The following XPO4 variants were observed in gnomAD, a reference collection of about 807,000 sequenced individuals.
XPO4 encodes the protein exportin-4.
A neutral mutation model predicts 143.0 loss-of-function variants in XPO4; 39 were observed. The observed-to-expected ratio is 0.27, with a 90% CI of 0.21 to 0.36. The LOEUF (loss-of-function observed/expected upper bound fraction) is 0.36. Among genes scored for constraint, XPO4 ranks in the 10% least tolerant of loss-of-function variants. The probability of loss-of-function intolerance (pLI) is 1.00; values close to 1 mark genes in which losing one functional copy is unlikely to be tolerated. For synonymous variants in XPO4, 439 were observed against 474.0 expected (o/e 0.93, Z 0.96); for missense variants, 907 against 1,348.0 (o/e 0.67, Z 5.12).
rs1376090873 is a variant in XPO4, at chr13:20,781,272, G to A, written c.*2450C>T. The A allele has an allele frequency of 2.0e-5, 3 of 152,354 alleles. No individual in the cohort carries two copies. Among genetic ancestry groups the A allele is most frequent in the Non-Finnish European group, 4.4e-5 (3 of 67,996 alleles). 9.4% of individuals were successfully genotyped at this position (152,354 alleles called of 1,614,324 possible). On this transcript the variant is annotated 3_prime_UTR_variant, in exon 23 of 23. Transcript: ENST00000255305. Reference sequence around the variant, plus strand: ...GGAGAAGTTAATAAACACAGCTAAAGACAAAATTGGACAAAATAAAACAAA... The same window carrying A: ...GGAGAAGTTAATAAACACAGCTAAAAACAAAATTGGACAAAATAAAACAAA...
At chr13:20,851,398 T>C (rs2060084593) in intron 4 of XPO4, 1 of 985,334 alleles carries the variant, frequency 1.0e-6, no homozygotes, top group Non-Finnish European at 1.2e-6. Context: ...ACTATTACAG[T>C]AGTTCTCAGC....
intron 1 of XPO4, chr13:20,879,227 C>T (rs2060383047): frequency 1.0e-6 from 1 of 985,306 alleles, no homozygotes; most frequent in Non-Finnish European, 1.2e-6. Flanking sequence ...TATCCCTCCA[C>T]ATAAAGCTGG....
intron 13 of XPO4, among the ~76,000 whole-genome samples, chr13:20,804,464 A>G (rs1207001240): frequency 7.2e-6 from 1 of 138,530 alleles, no homozygotes; most frequent in South Asian, 2.2e-4. Context: ...CCCCTTTCCT[A>G]TAACATTGCT....
At chr13:20,902,209 T>C (rs576774726) in intron 1 of XPO4, 29 of 985,218 alleles carry the variant, frequency 2.9e-5, no homozygotes, top group East Asian at 1.1e-4. Context: ...CGCTAGAGGA[T>C]GCGAATGCAC....
intron 1 of XPO4, among the ~76,000 whole-genome samples, chr13:20,886,685 T>C (rs915653139): frequency 2.6e-5 from 4 of 151,926 alleles, no homozygotes; most frequent in African/African-American, 7.3e-5. Flanking sequence ...GAATAACTAA[T>C]AAAATTGGAG....
intron 1 of XPO4, among the ~76,000 whole-genome samples, chr13:20,883,913 A>T (rs2060436905): frequency 6.6e-6 from 1 of 152,166 alleles, no homozygotes; most frequent in Admixed American, 6.5e-5. Context: ...GATTACAGGC[A>T]TGCGCCACCA....
intron 19 of XPO4, among the ~76,000 whole-genome samples, 164 bp downstream of exon 19, chr13:20,790,298 A>G (rs930169372): frequency 6.6e-6 from 1 of 152,230 alleles, no homozygotes; most frequent in African/African-American, 2.4e-5. Flanking sequence ...CATGTTACTG[A>G]GAAGCATGCA....
chr13:20,897,663 G>A (rs1446365648), intron 1 of XPO4, among the ~76,000 whole-genome samples: 2 of 152,144 alleles, frequency 1.3e-5, no homozygotes, highest in Admixed American at 1.3e-4. Flanking sequence ...CAAATCAATG[G>A]CCAGAAATTG....
chr13:20,902,326 C>T (rs1199853016), intron 1 of XPO4: 46 of 985,284 alleles, frequency 4.7e-5, no homozygotes, highest in Non-Finnish European at 5.2e-5. Flanking sequence ...CTACCGAAGC[C>T]CTGCGGGGAT....
chr13:20,783,048 G>T lies in XPO4; in HGVS notation c.*674C>A, dbSNP rs1460032380. ...AAGCAAGAAAGCAAGCTAAGAAAAAGCCAACAAACCCCTGGTGATGTTTCC... is the reference window on the plus strand; with the variant it reads ...AAGCAAGAAAGCAAGCTAAGAAAAATCCAACAAACCCCTGGTGATGTTTCC... On this transcript the variant is annotated 3_prime_UTR_variant, in exon 23 of 23. Transcript: ENST00000255305. 6.6e-6 allele frequency: 1 copy of T among 152,248 alleles called. No homozygotes were observed. Among genetic ancestry groups the T allele is most frequent in the Non-Finnish European group, 1.5e-5 (1 of 68,040 alleles). The allele number at this position is 152,248 out of a possible 1,614,324, so 9.4% of individuals were successfully genotyped here.
chr13:20,848,510 G>A (rs1203855859), intron 4 of XPO4: 1 of 985,200 alleles, frequency 1.0e-6, no homozygotes, highest in Non-Finnish European at 1.2e-6. Context: ...TTACAAGAAG[G>A]TAAAGTAGCA....
chr13:20,864,571 G>T (rs1488706220), intron 2 of XPO4, among the ~76,000 whole-genome samples: 2 of 152,164 alleles, frequency 1.3e-5, no homozygotes, highest in Non-Finnish European at 2.9e-5. Context: ...GCTGGTAAAT[G>T]TTCCTTGAGC....
At chr13:20,871,053 C>T (rs1293749236) in intron 1 of XPO4, among the ~76,000 whole-genome samples, 1 of 152,224 alleles carries the variant, frequency 6.6e-6, no homozygotes, top group Non-Finnish European at 1.5e-5. Context: ...AGTGATCTGC[C>T]TGCCTTGGCC....
chr13:20,817,962 AT>A (rs80278663), intron 9 of XPO4, among the ~76,000 whole-genome samples: 34,911 of 151,544 alleles, frequency 0.23, 5,628 homozygotes, highest in East Asian at 0.8. Context: ...TGCCTGGCTA[AT>A]TTTTGTATTT....
chr13:20,890,586 C>T (rs1157694324), intron 1 of XPO4, among the ~76,000 whole-genome samples: 1 of 151,800 alleles, frequency 6.6e-6, no homozygotes, highest in Non-Finnish European at 1.5e-5. Context: ...ATCGCTTGAG[C>T]TCAGGAGTTC....
rs967668217 is a variant in XPO4, at chr13:20,821,933, T to C, written c.999-55A>G. On this transcript the variant is annotated intron_variant, in intron 8 of 22. Transcript: ENST00000255305. ...GGCAGTAAAAGAAAAATTATTAATA[T>C]AATAACTCATTTCCAAACAAGCAAA... 4.0e-6 allele frequency: 6 copies of C among 1,496,954 alleles called. No homozygotes were observed. The East Asian group carries it at 1.2e-4, about 30-fold the overall frequency. The allele number at this position is 1,496,954 out of a possible 1,614,324, so 92.7% of individuals were successfully genotyped here. A position where few individuals can be genotyped will look rare whatever the true frequency, so the allele number is the denominator to read the frequency against.
chr13:20,786,618 G>A lies in XPO4; in HGVS notation c.3258+347C>T, dbSNP rs564545291. On this transcript the variant is annotated intron_variant, in intron 22 of 22. Transcript: ENST00000255305. ...CAGACTCTTCCTTGTCTGCCATCCT[G>A]TCTCCCTTACAAAAAACCATGAGTT... is the stretch of plus-strand genomic sequence containing the variant. 3.3e-5 allele frequency among the ~76,000 whole-genome samples: 5 copies of A among 152,142 alleles called. No homozygotes were observed. The South Asian group carries it at 1.0e-3, about 32-fold the overall frequency.
At chr13:20,828,687 C>T (rs919895676) in intron 6 of XPO4, among the ~76,000 whole-genome samples, 5 of 152,138 alleles carry the variant, frequency 3.3e-5, no homozygotes, top group Non-Finnish European at 5.9e-5. Context: ...TTCATTTAAA[C>T]TTCCCTTCTC....
chr13:20,783,653 T>TG lies in XPO4; in HGVS notation c.*68_*69insC, dbSNP rs2059165719. The TG allele has an allele frequency of 2.6e-6, 4 of 1,547,338 alleles. No homozygotes were observed. In the African/African-American group the frequency reaches 5.4e-5, roughly 21 times the overall value. On this transcript the variant is annotated 3_prime_UTR_variant, in exon 23 of 23. Coordinates refer to ENST00000255305, the MANE Select transcript of XPO4 (RefSeq NM_022459.5). ...AATGAACTGAGGAATAGGACAAGAC[T>TG]CAAGTCAACTTTCAGCAATTCAGTG...
Sources: gnomAD v4.1 joint callset for allele counts (sites outside exome capture counted in the v4.1 genomes callset) on GRCh38, gnomAD v4.1.1 for gene constraint, MANE v1.5 for transcripts, NCBI Gene and HGNC (gene_info 2026-07-23, HGNC 2026-07-21) for gene names.